The following PIK3CD variants were observed in gnomAD, a reference collection of about 807,000 sequenced individuals.
The protein encoded by PIK3CD is phosphatidylinositol-4,5-bisphosphate 3-kinase catalytic subunit delta.
A neutral mutation model predicts 122.9 loss-of-function variants in PIK3CD; 20 were observed. The observed-to-expected ratio is 0.16, with a 90% confidence interval of 0.11 to 0.24. PIK3CD has a LOEUF of 0.24. Among genes scored for constraint, PIK3CD ranks in the 10% least tolerant of loss-of-function variants. The probability of loss-of-function intolerance (pLI) is 1.00; values close to 1 mark genes in which losing one functional copy is unlikely to be tolerated. For synonymous variants in PIK3CD, 596 were observed against 593.4 expected (o/e 1.00, Z -0.06); for missense variants, 787 against 1,406.3 (o/e 0.56, Z 7.04).
the PIK3CD span, among the ~76,000 whole-genome samples, chr1:9,630,739 T>TGTGTGC: frequency 3.0e-3 from 451 of 150,960 alleles, 3 homozygotes; most frequent in East Asian, 0.018. Flanking sequence ...TGTGTGTGTG[T>TGTGTGC]GCAGAAGAGG....
intron 1 of PIK3CD, among the ~76,000 whole-genome samples, chr1:9,663,056 C>T (rs969220208): frequency 1.3e-5 from 2 of 152,154 alleles, no homozygotes; most frequent in Non-Finnish European, 2.9e-5. Context: ...CATAGCTGGA[C>T]ATTATGGGCT....
chr1:9,648,918 T>C (rs1228551550), upstream of PIK3CD, among the ~76,000 whole-genome samples: 3 of 152,094 alleles, frequency 2.0e-5, no homozygotes, highest in Admixed American at 2.0e-4. Flanking sequence ...CTGGCCAACA[T>C]GGTGAAACCT....
In PIK3CD at chr1:9,702,500, C is replaced by CTTTTT. The variant is rs60167511; in HGVS notation, c.-32-7891_-32-7887dup. On this transcript the variant is annotated intron_variant, in intron 2 of 23. Coordinates refer to ENST00000377346, the MANE Select transcript of PIK3CD (RefSeq NM_005026.5). ...GTCCACTTCCAAGGAAAGAACTTTC[C>CTTTTT]TTTTTTTTTTTTTTTTTTTTTTTTT... is the stretch of plus-strand genomic sequence containing the variant. Among the ~76,000 whole-genome samples, 159 of 25,810 alleles carry CTTTTT rather than the reference C, an allele frequency of 6.2e-3. 38 individuals carry two copies. Among genetic ancestry groups the CTTTTT allele is most frequent in the African/African-American group, 0.013 (108 of 8,078 alleles). The allele number at this position is 25,810 out of a possible 152,430, so 16.9% of individuals were successfully genotyped here.
the PIK3CD span, among the ~76,000 whole-genome samples, chr1:9,631,401 TC>T: frequency 6.6e-6 from 1 of 152,218 alleles, no homozygotes; most frequent in Non-Finnish European, 1.5e-5. Context: ...ATGCCAGTAA[TC>T]CCAGCATTTT....
chr1:9,637,448 C>T, the PIK3CD span, among the ~76,000 whole-genome samples: 1 of 152,102 alleles, frequency 6.6e-6, no homozygotes, highest in Non-Finnish European at 1.5e-5. Context: ...CCCGGGAGAT[C>T]GAGGCTGCAC....
At chr1:9,629,151 C>T in the PIK3CD span, among the ~76,000 whole-genome samples, 3 of 152,094 alleles carry the variant, frequency 2.0e-5, no homozygotes, top group Non-Finnish European at 1.5e-5. Context: ...CTGTGAGTTG[C>T]GGCCCCGGGA....
the PIK3CD span, among the ~76,000 whole-genome samples, chr1:9,633,241 G>C: frequency 1.3e-5 from 2 of 152,142 alleles, no homozygotes; most frequent in Non-Finnish European, 2.9e-5. Context: ...ACCCCAATTT[G>C]TCAGGCGTGG....
At chr1:9,695,221 G>A (rs1183569119) in intron 2 of PIK3CD, among the ~76,000 whole-genome samples, 1 of 151,948 alleles carries the variant, frequency 6.6e-6, no homozygotes, top group Non-Finnish European at 1.5e-5. Context: ...TTAAGAGATG[G>A]AAAATAGGAA....
In PIK3CD at chr1:9,675,931, A is replaced by ATT. The variant is rs577007319; in HGVS notation, c.-137-15520_-137-15519dup. ...CTGTGTGCACCGCCACACCAAGCTA[A>ATT]TTTTTTTTTTTTTTTTTGAGACGAA... On this transcript the variant is annotated intron_variant, in intron 1 of 23. Coordinates refer to ENST00000377346, the MANE Select transcript of PIK3CD (RefSeq NM_005026.5). Among the ~76,000 whole-genome samples the ATT allele has an allele frequency of 1.2e-3, 159 of 132,186 alleles. 2 individuals are homozygous for ATT. Among genetic ancestry groups the ATT allele is most frequent in the South Asian group, 5.2e-3 (21 of 4,014 alleles). 86.7% of individuals were successfully genotyped at this position (132,186 alleles called of 152,430 possible). A position where few individuals can be genotyped will look rare whatever the true frequency, so the allele number is the denominator to read the frequency against.
Position 9,715,722 on chromosome 1 carries a change from G to A in PIK3CD, c.323G>A (p.Arg108His), listed in dbSNP as rs765031777. Residue 108 changes from arginine (R) to histidine (H), a missense_variant, in exon 4 of 24, where the codon CGC becomes CAC. Transcript: ENST00000377346. This position sits in a 1 kb window ranked among gnomAD's most constrained non-coding sequence, Gnocchi z 4.1. ...CGCCTGGTGGCCCGTGAGGGCGACCGCGTGAAGAAGCTCATCAACTCACAG... is the reference window on the plus strand; with the variant it reads ...CGCCTGGTGGCCCGTGAGGGCGACCACGTGAAGAAGCTCATCAACTCACAG... ...VLRLVAREGD[R>H]VKKLINSQIS... The A allele has an allele frequency of 6.8e-6, 11 of 1,613,382 alleles. No homozygotes were observed. The highest frequency in any genetic ancestry group is 1.1e-5 in the South Asian group (1 of 91,090).
chr1:9,724,903 G>A lies in PIK3CD; in HGVS notation c.2964G>A (p.Glu988=), dbSNP rs1406173891. The A allele has an allele frequency of 1.2e-6, 2 of 1,613,926 alleles. No homozygotes were observed. The highest frequency in any genetic ancestry group is 8.5e-7 in the Non-Finnish European group (1 of 1,180,054). ...TGATGCGGGCGGCAGGCCTGCCTGA[G>A]CTCAGCTGCTCCAAAGACATCCAGT... is the stretch of plus-strand genomic sequence containing the variant. ...FALMRAAGLP[E]LSCSKDIQYL... is the part of the protein sequence containing the mutation. The change falls in exon 23 of 24, where the codon GAG becomes GAA. Residue 988 remains glutamate, a synonymous_variant. Transcript: ENST00000377346. The surrounding 1 kb of genome is among the most constrained non-coding windows in gnomAD (Gnocchi z 7.3).
chr1:9,697,063 CAAAAAAAAAAA>C (rs60416744), intron 2 of PIK3CD, among the ~76,000 whole-genome samples: 1 of 76,976 alleles, frequency 1.3e-5, no homozygotes, highest in Non-Finnish European at 2.8e-5. Flanking sequence ...GATCCTGTCT[CAAAAAAAAAAA>C]AAAAAAAAAA....
the PIK3CD span, among the ~76,000 whole-genome samples, chr1:9,642,597 G>A: frequency 6.7e-6 from 1 of 150,288 alleles, no homozygotes; most frequent in Non-Finnish European, 1.5e-5. Flanking sequence ...GGTGCCTGTA[G>A]TCCCAGCTAC....
chr1:9,653,661 G>A (rs1029261469), intron 1 of PIK3CD: 8 of 509,726 alleles, frequency 1.6e-5, no homozygotes, highest in Non-Finnish European at 2.4e-5. Flanking sequence ...GGGGCGGAAG[G>A]TTCTTTTGGT....
Position 9,722,549 on chromosome 1 carries a change from C to G in PIK3CD, c.2369C>G (p.Thr790Ser). ...NGDDLRQDML[T>S]LQMIQLMDVL... is the part of the protein sequence containing the mutation. ...ACAGACCTCCGGCAGGACATGCTGA[C>G]CCTGCAGATGATCCAGCTCATGGAC... The change falls in exon 19 of 24, where the codon ACC (threonine) becomes AGC (serine). Residue 790 changes from threonine (T) to serine (S), a missense_variant. Physicochemically the swap from Thr to Ser is moderately conservative, Grantham distance 58. Coordinates refer to ENST00000377346, the MANE Select transcript of PIK3CD (RefSeq NM_005026.5). The surrounding 1 kb of genome is among the most constrained non-coding windows in gnomAD (Gnocchi z 7.6). 7 of 1,613,620 alleles carry G rather than the reference C, an allele frequency of 4.3e-6. No homozygotes were observed. Among genetic ancestry groups the G allele is most frequent in the Non-Finnish European group, 5.9e-6 (7 of 1,179,932 alleles).
Position 9,723,287 on chromosome 1 carries a change from C to T in PIK3CD, c.2589C>T (p.Asn863=), listed in dbSNP as rs1182402605. 1 of 1,613,950 alleles carries T rather than the reference C, an allele frequency of 6.2e-7. No individual in the cohort carries two copies. The stretch of plus-strand genomic sequence containing the variant: ...TGCTCAACTGGCTGAAGTCCAAGAA[C>T]CCGGGGTGGGTTTCAGGCCCAGGGA... ...DALLNWLKSK[N]PGEALDRAIE... Residue 863 remains asparagine (N), a synonymous_variant, in exon 20 of 24, where the codon AAC becomes AAT. Coordinates refer to ENST00000377346, the MANE Select transcript of PIK3CD (RefSeq NM_005026.5). The surrounding 1 kb of genome is among the most constrained non-coding windows in gnomAD (Gnocchi z 4.9).
chr1:9,643,060 C>G, the PIK3CD span, among the ~76,000 whole-genome samples: 87 of 151,298 alleles, frequency 5.8e-4, no homozygotes, highest in South Asian at 0.018. Flanking sequence ...GCCTGGGGAA[C>G]AAAATCCTGT....
intron 2 of PIK3CD, among the ~76,000 whole-genome samples, chr1:9,696,218 C>T (rs1440499100): frequency 6.6e-6 from 1 of 151,956 alleles, no homozygotes; most frequent in Non-Finnish European, 1.5e-5. Context: ...GCAATCCACC[C>T]ACCGTGGCCT....
At chr1:9,638,636 G>A in the PIK3CD span, among the ~76,000 whole-genome samples, 1 of 149,404 alleles carries the variant, frequency 6.7e-6, no homozygotes, top group African/African-American at 2.5e-5. Flanking sequence ...GGAGGCTGAG[G>A]CAGGAGAATG....
Sources: gnomAD v4.1 joint callset for allele counts (sites outside exome capture counted in the v4.1 genomes callset) on GRCh38, gnomAD v4.1.1 for gene constraint, Gnocchi (gnomAD v3.1) non-coding constraint, MANE v1.5 for transcripts, NCBI Gene and HGNC (gene_info 2026-07-23, HGNC 2026-07-21) for gene names.